Variants in DMD observed in about 807,000 individuals in gnomAD.
DMD encodes the protein dystrophin.
Under a neutral mutation model 330.1 loss-of-function variants are expected in DMD, and 63 were observed. That is an observed-to-expected ratio of 0.19 (90% CI 0.16 to 0.24). DMD has a LOEUF of 0.24. Ranked by LOEUF, DMD falls within the 10% of genes least tolerant of loss-of-function variation. The probability of loss-of-function intolerance (pLI) is 1.00; values close to 1 mark genes in which losing one functional copy is unlikely to be tolerated. For missense variants in DMD, 3,344 were observed against 2,684.1 expected, an observed-to-expected ratio of 1.25 and a Z score of -5.43; for synonymous variants, 1,223 against 959.8, an observed-to-expected ratio of 1.27 and a Z score of -5.07.
At chrX:32,328,234 A>G (rs1245423349) in intron 41 of DMD, among the ~76,000 whole-genome samples, 1 of 111,922 alleles carries the variant, frequency 8.9e-6, no homozygotes, top group Non-Finnish European at 1.9e-5. Context: ...TTGGATTCCA[A>G]ATATCATCAG....
At chrX:33,110,475 A>G (rs2095331095) in intron 1 of DMD, among the ~76,000 whole-genome samples, 2 of 111,487 alleles carry the variant, frequency 1.8e-5, no homozygotes, top group South Asian at 7.4e-4. Context: ...AATAATTAAT[A>G]CAAATTAAAA....
chrX:31,788,006 C>T (rs747003717), intron 50 of DMD, among the ~76,000 whole-genome samples: 8 of 111,881 alleles, frequency 7.2e-5, no homozygotes, highest in African/African-American at 9.7e-5. Context: ...TCTTTTTGAA[C>T]GTATGAAAGG....
intron 57 of DMD, among the ~76,000 whole-genome samples, chrX:31,483,865 T>TTATA (rs1442239085): frequency 8.9e-6 from 1 of 112,182 alleles, no homozygotes; most frequent in Non-Finnish European, 1.9e-5. Context: ...TTAAACATGG[T>TTATA]TATATGTAAG....
At chrX:32,699,018 A>T in intron 8 of DMD, 94 bp downstream of exon 8, 2 of 756,976 alleles carry the variant, frequency 2.6e-6, no homozygotes. Flanking sequence ...ACGTGTATAT[A>T]CATATAAGTT....
At chrX:31,749,413 A>G (rs5927837) in intron 51 of DMD, among the ~76,000 whole-genome samples, 8,155 of 99,988 alleles carry the variant, frequency 0.082, 390 homozygotes, top group Middle Eastern at 0.12. Flanking sequence ...TTGTTCTTGC[A>G]ATAGTTTACT....
rs1206494044 is a variant in DMD, at chrX:32,676,352, C to T, written c.960+21518G>A. 3.6e-5 allele frequency among the ~76,000 whole-genome samples: 4 copies of T among 111,067 alleles called. No homozygotes were observed. The East Asian group carries it at 1.1e-3, about 31-fold the overall frequency. ...GAAACATGAAACCTCTTTCCTGCTT[C>T]CCAATCTACCAGATTTTCAACATGG... On this transcript the variant is annotated intron_variant, in intron 9 of 78. Coordinates refer to ENST00000357033, the MANE Select transcript of DMD (RefSeq NM_004006.3).
At chrX:31,819,827 C>G (rs1213016574) in intron 50 of DMD, 148 bp downstream of exon 50, 1 of 512,256 alleles carries the variant, frequency 2.0e-6, no homozygotes, top group East Asian at 3.6e-5. Context: ...GGAATGTACT[C>G]TAAGACTTTT....
chrX:32,658,780 C>G (rs1204612533), intron 9 of DMD, among the ~76,000 whole-genome samples: 2 of 111,421 alleles, frequency 1.8e-5, no homozygotes, highest in Non-Finnish European at 3.8e-5. Flanking sequence ...TCAAAGAAAT[C>G]ATGCTGCATA....
At chrX:32,682,917 T>G (rs1299949048) in intron 9 of DMD, among the ~76,000 whole-genome samples, 1 of 111,787 alleles carries the variant, frequency 8.9e-6, no homozygotes. Context: ...GTATCCTAGA[T>G]AGTAGCTGTT....
At chrX:32,557,350 A>G (rs2050418620) in intron 16 of DMD, among the ~76,000 whole-genome samples, 1 of 111,991 alleles carries the variant, frequency 8.9e-6, no homozygotes, top group Admixed American at 9.5e-5. Context: ...GAAATTGTAA[A>G]CAATGGCACA....
chrX:32,665,694 GA>G (rs2061259259), intron 9 of DMD, among the ~76,000 whole-genome samples: 1 of 111,741 alleles, frequency 8.9e-6, no homozygotes, highest in African/African-American at 3.3e-5. Context: ...AGAAGAAATG[GA>G]AGCATTGAAA....
At chrX:31,811,834 C>T (rs960193206) in intron 50 of DMD, among the ~76,000 whole-genome samples, 4 of 111,584 alleles carry the variant, frequency 3.6e-5, no homozygotes, top group Non-Finnish European at 7.5e-5. Context: ...ACAGTGGAAA[C>T]ATAACCACAA....
intron 44 of DMD, among the ~76,000 whole-genome samples, chrX:32,125,276 T>C (rs1193016399): frequency 2.7e-5 from 3 of 111,138 alleles, no homozygotes; most frequent in Non-Finnish European, 5.7e-5. Flanking sequence ...TGTAGAGATA[T>C]TGAGAAGGTT....
intron 11 of DMD, among the ~76,000 whole-genome samples, chrX:32,616,343 T>C (rs1207305264): frequency 9.0e-6 from 1 of 111,083 alleles, no homozygotes; most frequent in African/African-American, 3.3e-5. Context: ...AGAAGTTACA[T>C]AAGTTTTTGG....
intron 54 of DMD, among the ~76,000 whole-genome samples, chrX:31,629,596 C>G (rs1419946853): frequency 1.8e-5 from 2 of 111,709 alleles, no homozygotes; most frequent in African/African-American, 6.5e-5. Context: ...CAAGGGCTAA[C>G]GTGGACTGCC....
At chrX:31,416,139 C>A (rs148244115) in intron 60 of DMD, among the ~76,000 whole-genome samples, 2,193 of 111,727 alleles carry the variant, frequency 0.02, 25 homozygotes, top group African/African-American at 0.046. Flanking sequence ...AGGCTTGAGG[C>A]AAATGGTTAT....
intron 30 of DMD, among the ~76,000 whole-genome samples, chrX:32,394,049 T>C (rs1355301640): frequency 8.1e-5 from 9 of 111,619 alleles, no homozygotes; most frequent in Middle Eastern, 4.2e-3. Flanking sequence ...CCACACATAA[T>C]AAAATTCAGG....
intron 61 of DMD, among the ~76,000 whole-genome samples, chrX:31,339,887 A>C (rs1295102158): frequency 1.8e-5 from 2 of 112,307 alleles, no homozygotes; most frequent in Non-Finnish European, 3.8e-5. Flanking sequence ...ATGATGGCTT[A>C]TTTAAGCCAA....
At chrX:31,589,926 G>A (rs1449117726) in intron 55 of DMD, among the ~76,000 whole-genome samples, 1 of 110,803 alleles carries the variant, frequency 9.0e-6, no homozygotes, top group Non-Finnish European at 1.9e-5. Context: ...TAAACTCAAT[G>A]CCTCCCAAAA....
Sources: gnomAD v4.1 joint callset for allele counts (sites outside exome capture counted in the v4.1 genomes callset) on GRCh38, gnomAD v4.1.1 for gene constraint, MANE v1.5 for transcripts, NCBI Gene and HGNC (gene_info 2026-07-23, HGNC 2026-07-21) for gene names.